Variants in MIPOL1 observed in about 807,000 individuals in gnomAD.
The protein encoded by MIPOL1 is mirror-image polydactyly 1.
MIPOL1 carries 57 observed loss-of-function variants against 60.9 expected under a neutral mutation model. That is an observed-to-expected ratio of 0.94 (90% CI 0.76 to 1.17). The LOEUF is 1.17. MIPOL1 is among the 50% of genes most tolerant of loss of function. The pLI is 0.00. For missense variants in MIPOL1, 551 were observed against 511.6 expected (o/e 1.08, Z -0.74); for synonymous variants, 179 against 168.8 (o/e 1.06, Z -0.47).
At chr14:37,236,433 G>A (rs148160790) in intron 1 of MIPOL1, among the ~76,000 whole-genome samples, 211 of 151,810 alleles carry the variant, frequency 1.4e-3, no homozygotes, top group African/African-American at 4.7e-3. Flanking sequence ...TTCTTTTGAG[G>A]CTTTTCTAAA....
intron 12 of MIPOL1, among the ~76,000 whole-genome samples, chr14:37,520,732 C>T (rs985070630): frequency 2.0e-5 from 3 of 151,736 alleles, no homozygotes; most frequent in Non-Finnish European, 2.9e-5. Flanking sequence ...ATCTTTAATA[C>T]TTATAATATG....
chr14:37,486,828 C>T (rs994893745), intron 11 of MIPOL1, among the ~76,000 whole-genome samples: 1 of 152,092 alleles, frequency 6.6e-6, no homozygotes, highest in Non-Finnish European at 1.5e-5. Flanking sequence ...CTTTCTCTTG[C>T]CTGATTGTCC....
chr14:37,426,584 TATATATATATAC>T (rs1422665837), intron 11 of MIPOL1, among the ~76,000 whole-genome samples: 2 of 137,234 alleles, frequency 1.5e-5, no homozygotes, highest in Admixed American at 1.5e-4. Context: ...TATATATATA[TATATATATATAC>T]ACACACACAT....
chr14:37,222,459 A>G (rs1167610808), intron 1 of MIPOL1, among the ~76,000 whole-genome samples: 1 of 151,390 alleles, frequency 6.6e-6, no homozygotes, highest in Non-Finnish European at 1.5e-5. Context: ...GAAAGTAACC[A>G]TGCAGCTCCT....
intron 9 of MIPOL1, among the ~76,000 whole-genome samples, chr14:37,319,853 A>G (rs1423447657): frequency 2.0e-5 from 3 of 152,056 alleles, no homozygotes; most frequent in African/African-American, 7.2e-5. Flanking sequence ...TTCTGTCTCC[A>G]TGGGTCATTT....
intron 1 of MIPOL1, among the ~76,000 whole-genome samples, chr14:37,231,816 G>A (rs909221369): frequency 1.7e-4 from 26 of 152,158 alleles, no homozygotes; most frequent in African/African-American, 5.8e-4. Flanking sequence ...GTAGTGGCTC[G>A]CACCTGTTAT....
intron 9 of MIPOL1, among the ~76,000 whole-genome samples, chr14:37,366,198 T>G (rs951465051): frequency 1.3e-5 from 2 of 152,014 alleles, no homozygotes; most frequent in Non-Finnish European, 2.9e-5. Context: ...CTACTAATTT[T>G]GGGTTTGGTT....
chr14:37,369,880 G>A (rs1230617170), intron 10 of MIPOL1: 12 of 202,852 alleles, frequency 5.9e-5, no homozygotes, highest in Non-Finnish European at 9.8e-5. Flanking sequence ...TGTTTATTCT[G>A]TTTCTTTTTT....
chr14:37,382,175 T>G (rs1195186626), intron 10 of MIPOL1, among the ~76,000 whole-genome samples: 1 of 152,074 alleles, frequency 6.6e-6, no homozygotes, highest in Non-Finnish European at 1.5e-5. Flanking sequence ...GTAACTGAAT[T>G]CTATGTAAAG....
At chr14:37,455,536 G>T (rs996194847) in intron 11 of MIPOL1, among the ~76,000 whole-genome samples, 1 of 152,032 alleles carries the variant, frequency 6.6e-6, no homozygotes, top group Non-Finnish European at 1.5e-5. Context: ...AACTGCTTTA[G>T]TTATCTGTAT....
At position 37,429,569 on chromosome 14, in the gene MIPOL1, G is replaced by A. The variant is rs112247895; in HGVS notation, c.1031+6620G>A. ...GATAATAATTATATGAAATACTTAC[G>A]TGTTTAACATAGTGAAAAGTGGAAT... is the stretch of plus-strand genomic sequence containing the variant. On this transcript the variant is annotated intron_variant, in intron 11 of 12. Transcript: ENST00000684589. 2.3e-3 allele frequency among the ~76,000 whole-genome samples: 353 copies of A among 152,040 alleles called. 3 individuals carry two copies. The highest frequency in any genetic ancestry group is 7.8e-3 in the African/African-American group (324 of 41,488).
intron 12 of MIPOL1, among the ~76,000 whole-genome samples, chr14:37,526,511 A>G (rs553578683): frequency 6.7e-4 from 100 of 150,142 alleles, no homozygotes; most frequent in African/African-American, 2.1e-3. Flanking sequence ...CTGGGACTAC[A>G]GGCGCCCGCC....
chr14:37,278,425 ATGGT>A (rs2083838275), intron 6 of MIPOL1: 1 of 151,658 alleles, frequency 6.6e-6, no homozygotes, highest in Admixed American at 6.6e-5. Context: ...TCTTCTCCAG[ATGGT>A]TATTTCTCAT....
At chr14:37,314,281 T>G (rs1425870906) in intron 9 of MIPOL1, among the ~76,000 whole-genome samples, 3 of 152,130 alleles carry the variant, frequency 2.0e-5, no homozygotes, top group Non-Finnish European at 4.4e-5. Flanking sequence ...AGAAAACCCA[T>G]GGAAGAATCA....
intron 9 of MIPOL1, among the ~76,000 whole-genome samples, chr14:37,356,394 A>G (rs1312906290): frequency 6.6e-6 from 1 of 152,106 alleles, no homozygotes; most frequent in African/African-American, 2.4e-5. Context: ...GGTGAAGCCT[A>G]CAGAGGCAGG....
rs1180994079 is a variant in MIPOL1, at chr14:37,266,939, C to G, written c.21C>G (p.Asp7Glu). 6.2e-7 allele frequency: 1 copy of G among 1,603,480 alleles called. No individual in the cohort carries two copies. The highest frequency in any genetic ancestry group is 1.7e-5 in the Admixed American group (1 of 59,880). The change falls in exon 4 of 13, where the codon GAC becomes GAG. Residue 7 changes from aspartate (D) to glutamate (E), a missense_variant and splice_region_variant. Transcript: ENST00000684589. The part of the protein sequence containing the change: MENWSK[D>E]ITHSYLEQET... ...TGTTATTTGTTTGTTTAAATACAGA[C>G]ATAACCCACAGTTATCTTGAACAAG...
intron 11 of MIPOL1, among the ~76,000 whole-genome samples, chr14:37,492,739 T>G (rs2095063112): frequency 6.6e-6 from 1 of 151,804 alleles, no homozygotes. Context: ...CCAACATCTC[T>G]TCATCTACAC....
chr14:37,359,420 T>A, intron 9 of MIPOL1, among the ~76,000 whole-genome samples: 1 of 152,222 alleles, frequency 6.6e-6, no homozygotes, highest in South Asian at 2.1e-4. Context: ...ATAAATTACC[T>A]TGGGCAGTAT....
chr14:37,471,042 C>T (rs2094682059), intron 11 of MIPOL1, among the ~76,000 whole-genome samples: 1 of 152,144 alleles, frequency 6.6e-6, no homozygotes, highest in African/African-American at 2.4e-5. Flanking sequence ...GAATTCACCA[C>T]TACACAATGT....
Sources: gnomAD v4.1 joint callset for allele counts (sites outside exome capture counted in the v4.1 genomes callset) on GRCh38, gnomAD v4.1.1 for gene constraint, MANE v1.5 for transcripts, NCBI Gene and HGNC (gene_info 2026-07-23, HGNC 2026-07-21) for gene names.